The following ARHGEF33 variants were observed in gnomAD, a reference collection of about 807,000 sequenced individuals.
ARHGEF33 encodes the protein Rho guanine nucleotide exchange factor 33, also known as DH and coiled-coil domain-containing protein ENSP00000381780.
A neutral mutation model predicts 101.9 loss-of-function variants in ARHGEF33; 72 were observed. The observed-to-expected ratio is 0.71, with a 90% CI of 0.58 to 0.86. ARHGEF33 has a LOEUF of 0.86. Among genes scored for constraint, ARHGEF33 ranks in the 40% least tolerant of loss-of-function variants. ARHGEF33 has a pLI of 0.00. For missense variants in ARHGEF33, 1,169 were observed against 1,111.3 expected, an observed-to-expected ratio of 1.05 and a Z score of -0.74; for synonymous variants, 499 against 442.5, an observed-to-expected ratio of 1.13 and a Z score of -1.60.
chr2:38,962,053 C>G (rs758739174), intron 16 of ARHGEF33, among the ~76,000 whole-genome samples: 3 of 152,198 alleles, frequency 2.0e-5, no homozygotes, highest in African/African-American at 4.8e-5. Flanking sequence ...CTGGTCCCTG[C>G]AGAGGACAAA....
intron 2 of ARHGEF33, among the ~76,000 whole-genome samples, chr2:38,909,780 T>G (rs1483327752): frequency 1.3e-5 from 2 of 151,380 alleles, no homozygotes. Flanking sequence ...TTTAAGCACT[T>G]GTGTATCTTC....
chr2:38,912,943 G>A (rs1666544057), intron 2 of ARHGEF33, among the ~76,000 whole-genome samples: 2 of 151,844 alleles, frequency 1.3e-5, no homozygotes, highest in African/African-American at 4.8e-5. Flanking sequence ...GAAGCATCAT[G>A]TTTGGCATAT....
intron 4 of ARHGEF33, 128 bp downstream of exon 4, chr2:38,921,551 G>T: frequency 4.4e-6 from 3 of 686,780 alleles, no homozygotes; most frequent in Non-Finnish European, 7.8e-6. Flanking sequence ...TCTCTTAACA[G>T]GGCTGTGAGA....
intron 2 of ARHGEF33, among the ~76,000 whole-genome samples, chr2:38,910,196 T>TA (rs995945677): frequency 6.6e-6 from 1 of 152,184 alleles, no homozygotes; most frequent in African/African-American, 2.4e-5. Flanking sequence ...TTGTTCTGGA[T>TA]AAAAAAATTT....
At chr2:38,944,264 C>A (rs1667384416) in intron 10 of ARHGEF33, among the ~76,000 whole-genome samples, 1 of 152,184 alleles carries the variant, frequency 6.6e-6, no homozygotes, top group Admixed American at 6.5e-5. Context: ...ATTCTGGAGA[C>A]TGGGGAGTCT....
chr2:38,897,607 A>G, intron 2 of ARHGEF33, among the ~76,000 whole-genome samples: 1 of 152,166 alleles, frequency 6.6e-6, no homozygotes, highest in East Asian at 1.9e-4. Context: ...AACCTATAAA[A>G]TTTTGCCTAT....
chr2:38,937,322 CCCACCCCA>C lies in ARHGEF33; in HGVS notation c.566-9_566-2del. 2.5e-6 allele frequency: 1 copy of C among 398,868 alleles called. No homozygotes were observed. The highest frequency in any genetic ancestry group is 4.6e-6 in the Non-Finnish European group (1 of 219,374). The allele number at this position is 398,868 out of a possible 1,614,324, so 24.7% of individuals were successfully genotyped here. On this transcript the variant is annotated splice_region_variant and splice_polypyrimidine_tract_variant and intron_variant, in intron 8 of 17. Transcript: ENST00000409978. Reference sequence around the variant, plus strand: ...TTTTCTTTGTTTCCCCGCCCCTCCCCCCACCCCACCAGGAGTGAACCCAACAACTCCAG... The same window carrying C: ...TTTTCTTTGTTTCCCCGCCCCTCCCCCCAGGAGTGAACCCAACAACTCCAG...
rs1341702571 is a variant in ARHGEF33, at chr2:38,960,591, C to T, written c.2286C>T (p.Thr762=). The T allele has an allele frequency of 2.9e-6, 4 of 1,395,676 alleles. No homozygotes were observed. The highest frequency in any genetic ancestry group is 3.8e-6 in the Non-Finnish European group (4 of 1,059,248). The allele number at this position is 1,395,676 out of a possible 1,614,324, so 86.5% of individuals were successfully genotyped here. A position where few individuals can be genotyped will look rare whatever the true frequency, so the allele number is the denominator to read the frequency against. The change falls in exon 16 of 18, where the codon ACC becomes ACT. Residue 762 remains threonine, a synonymous_variant. Coordinates refer to ENST00000409978, the MANE Select transcript of ARHGEF33 (RefSeq NM_001145451.5). ...AAVAARGASR[T]FFPQQRSQSE... ...TCGCCGCCCGCGGCGCATCCAGGACCTTCTTCCCCCAACAGAGGTCCCAAA... is the reference window on the plus strand; with the variant it reads ...TCGCCGCCCGCGGCGCATCCAGGACTTTCTTCCCCCAACAGAGGTCCCAAA...
chr2:38,931,718 G>A (rs965187114), intron 7 of ARHGEF33, among the ~76,000 whole-genome samples: 7 of 152,108 alleles, frequency 4.6e-5, no homozygotes, highest in African/African-American at 7.2e-5. Context: ...AAATGGTACC[G>A]AAGAAACTGG....
intron 17 of ARHGEF33, among the ~76,000 whole-genome samples, chr2:38,971,475 G>A (rs1235219561): frequency 1.3e-5 from 2 of 152,164 alleles, no homozygotes; most frequent in South Asian, 2.1e-4. Context: ...TATAGAGAAA[G>A]GGAATAAAAG....
chr2:38,970,181 A>G lies in ARHGEF33; in HGVS notation c.2484-3533A>G, dbSNP rs574307334. On this transcript the variant is annotated intron_variant, in intron 17 of 17. Transcript: ENST00000409978. ...GCACTTTAAAATTTACATGTGTCAGAGTGTCTCCCTTCTCATCATCACCCT... is the reference window on the plus strand; with the variant it reads ...GCACTTTAAAATTTACATGTGTCAGGGTGTCTCCCTTCTCATCATCACCCT... Among the ~76,000 whole-genome samples, 49 of 152,294 alleles carry G rather than the reference A, an allele frequency of 3.2e-4. No individual in the cohort carries two copies. In the South Asian group the frequency reaches 0.01, roughly 32 times the overall value.
chr2:38,928,781 A>G (rs753317962), intron 4 of ARHGEF33, 126 bp from the exon 5 acceptor site: 84 of 819,962 alleles, frequency 1.0e-4, no homozygotes, highest in Admixed American at 3.1e-4. Flanking sequence ...AGTGAAGTAC[A>G]CTAGTAAATG....
chr2:38,922,653 T>C (rs543754061), intron 4 of ARHGEF33, among the ~76,000 whole-genome samples: 1 of 152,326 alleles, frequency 6.6e-6, no homozygotes, highest in Admixed American at 6.5e-5. Flanking sequence ...TCATGGCAGA[T>C]TAAACAGATG....
At chr2:38,968,315 T>A (rs1668095879) in intron 17 of ARHGEF33, among the ~76,000 whole-genome samples, 1 of 152,264 alleles carries the variant, frequency 6.6e-6, no homozygotes, top group African/African-American at 2.4e-5. Context: ...AGTGGGAGAT[T>A]GTTTAAAAAA....
At chr2:38,934,936 G>C (rs377603202) in intron 7 of ARHGEF33, among the ~76,000 whole-genome samples, 1 of 151,938 alleles carries the variant, frequency 6.6e-6, no homozygotes, top group Non-Finnish European at 1.5e-5. Flanking sequence ...GGGAAGAAAC[G>C]GAGCAGCCAG....
rs1389998283 is a variant in ARHGEF33 at position 38,889,898 on chromosome 2, C to G, written c.-247C>G. On this transcript the variant is annotated 5_prime_UTR_variant, in exon 1 of 18. Coordinates refer to ENST00000409978, the MANE Select transcript of ARHGEF33 (RefSeq NM_001145451.5). ...TCGTTTCAGGGGAAGTCAAGCCTCT[C>G]TACTGCTTCTTTTTATAACCTTTAA... The G allele has an allele frequency of 1.3e-5, 6 of 470,910 alleles. No homozygotes were observed. Among genetic ancestry groups the G allele is most frequent in the South Asian group, 6.2e-5 (4 of 64,552 alleles). The allele number at this position is 470,910 out of a possible 1,614,324, so 29.2% of individuals were successfully genotyped here.
intron 1 of ARHGEF33, among the ~76,000 whole-genome samples, chr2:38,893,937 C>T (rs2124975502): frequency 6.6e-6 from 1 of 152,250 alleles, no homozygotes; most frequent in Non-Finnish European, 1.5e-5. Context: ...GTGAAGACTT[C>T]TAAAGTCTGA....
At chr2:38,892,578 C>T (rs532450889) in intron 1 of ARHGEF33, among the ~76,000 whole-genome samples, 1 of 152,282 alleles carries the variant, frequency 6.6e-6, no homozygotes, top group South Asian at 2.1e-4. Flanking sequence ...AGTCAGTGCA[C>T]CCCCAATTGA....
chr2:38,921,342 T>A, intron 3 of ARHGEF33, 32 bp from the exon 4 acceptor site: 1 of 1,362,558 alleles, frequency 7.3e-7, no homozygotes, highest in Non-Finnish European at 1.0e-6. Context: ...GAATGAGTAG[T>A]GTTGATTAAA....
Sources: gnomAD v4.1 joint callset for allele counts (sites outside exome capture counted in the v4.1 genomes callset) on GRCh38, gnomAD v4.1.1 for gene constraint, MANE v1.5 for transcripts, NCBI Gene and HGNC (gene_info 2026-07-23, HGNC 2026-07-21) for gene names.